The following ZMYM4 variants were observed in gnomAD, a reference collection of about 807,000 sequenced individuals.
ZMYM4 encodes zinc finger MYM-type protein 4.
A neutral mutation model predicts 183.2 loss-of-function variants in ZMYM4; 31 were observed. The ratio of observed to expected loss-of-function variants is 0.17; its 90% CI spans 0.13 to 0.23. The LOEUF is 0.23. ZMYM4 is among the 10% of genes least tolerant of loss of function. The pLI, the probability that ZMYM4 is intolerant of heterozygous loss-of-function variation, is 1.00. For missense variants in ZMYM4, 1,273 were observed against 1,840.3 expected (o/e 0.69, Z 5.64); for synonymous variants, 592 against 631.2 (o/e 0.94, Z 0.93).
At chr1:35,387,718 T>A in intron 13 of ZMYM4, 114 bp downstream of exon 13, 1 of 1,124,884 alleles carries the variant, frequency 8.9e-7, no homozygotes, top group Non-Finnish European at 1.2e-6. Flanking sequence ...ATGTATAACG[T>A]AAATGCCTTT....
At position 35,381,579 on chromosome 1, in the gene ZMYM4, C is replaced by T. The variant is rs1644459411; in HGVS notation, c.1390C>T (p.His464Tyr). The stretch of plus-strand genomic sequence containing the variant: ...TGAAGTTAATTACCAGAATGTGGTC[C>T]ATAAACTTTGCAGTGATGCCTGCTT... ...RHEVNYQNVV[H>Y]KLCSDACFSK... Residue 464 changes from histidine to tyrosine, a missense_variant, in exon 9 of 30, where the codon CAT becomes TAT. Coordinates refer to ENST00000314607, the MANE Select transcript of ZMYM4 (RefSeq NM_005095.3). 4 of 1,614,148 alleles carry T rather than the reference C, an allele frequency of 2.5e-6. No individual in the cohort carries two copies. The highest frequency in any genetic ancestry group is 3.4e-6 in the Non-Finnish European group (4 of 1,180,038).
Position 35,352,254 on chromosome 1 carries a change from C to T in ZMYM4, c.86-6671C>T, listed in dbSNP as rs1448699618. On this transcript the variant is annotated intron_variant, in intron 2 of 29. Transcript: ENST00000314607. Reference sequence around the variant, plus strand: ...TCTCTACTAATAATTTAAAAATTAGCGCGCACGCGCGCGCGCACACACACA... The same window carrying T: ...TCTCTACTAATAATTTAAAAATTAGTGCGCACGCGCGCGCGCACACACACA... Among the ~76,000 whole-genome samples, 10 of 99,114 alleles carry T rather than the reference C, an allele frequency of 1.0e-4. No homozygotes were observed. In the South Asian group the frequency reaches 1.8e-3, roughly 18 times the overall value. The allele number at this position is 99,114 out of a possible 152,430, so 65.0% of individuals were successfully genotyped here. A position where few individuals can be genotyped will look rare whatever the true frequency, so the allele number is the denominator to read the frequency against.
rs906074644 is a variant in ZMYM4 at position 35,398,865 on chromosome 1, C to T, written c.3255C>T (p.Asp1085=). ...LFLDTKIFEK[D]QGSTYSGDLE... ...TTAATTGTTATCTATATATTTCAGA[C>T]CAAGGAAGTACATACAGTGGTGATC... is the stretch of plus-strand genomic sequence containing the variant. The change falls in exon 22 of 30, where the codon GAC becomes GAT. Residue 1085 remains aspartate, a splice_region_variant and synonymous_variant. Coordinates refer to ENST00000314607, the MANE Select transcript of ZMYM4 (RefSeq NM_005095.3). The T allele has an allele frequency of 2.5e-6, 4 of 1,613,652 alleles. No individual in the cohort carries two copies. Among genetic ancestry groups the T allele is most frequent in the Admixed American group, 3.3e-5 (2 of 59,976 alleles).
intron 7 of ZMYM4, among the ~76,000 whole-genome samples, chr1:35,374,322 C>T (rs1644287073): frequency 6.6e-6 from 1 of 152,012 alleles, no homozygotes; most frequent in African/African-American, 2.4e-5. Flanking sequence ...GCATGAGCCA[C>T]CGTGCCCGGC....
chr1:35,403,334 C>T (rs534556177), intron 23 of ZMYM4, among the ~76,000 whole-genome samples: 75 of 152,108 alleles, frequency 4.9e-4, no homozygotes, highest in South Asian at 4.8e-3. Flanking sequence ...TGCCCAGGCT[C>T]GAGTGCAATG....
In ZMYM4 at chr1:35,337,799, C is replaced by T. The variant is rs542098110; in HGVS notation, c.85+12394C>T. On this transcript the variant is annotated intron_variant, in intron 2 of 29. Coordinates refer to ENST00000314607, the MANE Select transcript of ZMYM4 (RefSeq NM_005095.3). ...ACTAAAAATACAGAAATCAGCTGGG[C>T]GTGGTGGCAGGCACCTGCAATTCCA... Among the ~76,000 whole-genome samples, 12 of 151,990 alleles carry T rather than the reference C, an allele frequency of 7.9e-5. No homozygotes were observed. The South Asian group carries it at 8.3e-4, about 11-fold the overall frequency.
In ZMYM4 at chr1:35,381,686, A is replaced by G. The variant is rs1282202976; in HGVS notation, c.1497A>G (p.Gln499=). Residue 499 remains glutamine (Q), a synonymous_variant, in exon 9 of 30, where the codon CAA becomes CAG. Coordinates refer to ENST00000314607, the MANE Select transcript of ZMYM4 (RefSeq NM_005095.3). ...GTTACTGTTACAGTGGGTCGGGACA[A>G]TGCCACATGCTTCAGATAGAGGGAC... The part of the protein sequence containing the change: ...CGGYCYSGSG[Q]CHMLQIEGQS... 6.2e-6 allele frequency: 10 copies of G among 1,614,240 alleles called. No individual in the cohort carries two copies. Among genetic ancestry groups the G allele is most frequent in the South Asian group, 1.1e-5 (1 of 91,088 alleles).
At chr1:35,368,041 A>C (rs1163242464) in intron 5 of ZMYM4, among the ~76,000 whole-genome samples, 1 of 151,696 alleles carries the variant, frequency 6.6e-6, no homozygotes, top group East Asian at 1.9e-4. Context: ...GCAAATTATC[A>C]GTGGTGGGCC....
At chr1:35,351,611 A>G in intron 2 of ZMYM4, 2 of 660,422 alleles carry the variant, frequency 3.0e-6, no homozygotes, top group Admixed American at 2.5e-5. Flanking sequence ...GAGCTAAACC[A>G]AACAATTTTC....
Position 35,344,210 on chromosome 1 carries a change from T to G in ZMYM4, c.86-14715T>G, listed in dbSNP as rs150223600. Among the ~76,000 whole-genome samples the G allele has an allele frequency of 2.8e-3, 428 of 152,016 alleles. 1 individual carries two copies. The highest frequency in any genetic ancestry group is 9.8e-3 in the African/African-American group (408 of 41,480). ...CTGGAATTACAGGCGTGTGCCACCA[T>G]GCCTGACTGATTTTTATATTTTTAG... On this transcript the variant is annotated intron_variant, in intron 2 of 29. Coordinates refer to ENST00000314607, the MANE Select transcript of ZMYM4 (RefSeq NM_005095.3).
rs553419392 is a variant in ZMYM4, at chr1:35,347,798, T to C, written c.86-11127T>C. Among the ~76,000 whole-genome samples the C allele has an allele frequency of 1.2e-3, 176 of 152,352 alleles. 1 individual carries two copies. The highest frequency in any genetic ancestry group is 4.1e-3 in the African/African-American group (170 of 41,588). On this transcript the variant is annotated intron_variant, in intron 2 of 29. Coordinates refer to ENST00000314607, the MANE Select transcript of ZMYM4 (RefSeq NM_005095.3). ...CCATATCTCTGTGGTATTGTGCTTCTGCAATTATTGGCAAAAATGACTTTT... is the reference window on the plus strand; with the variant it reads ...CCATATCTCTGTGGTATTGTGCTTCCGCAATTATTGGCAAAAATGACTTTT...
At chr1:35,299,597 A>G (rs1283002216) in intron 1 of ZMYM4, among the ~76,000 whole-genome samples, 2 of 152,224 alleles carry the variant, frequency 1.3e-5, no homozygotes, top group African/African-American at 4.8e-5. Flanking sequence ...AAAGCAACCA[A>G]TCAAAGGCTA....
At chr1:35,345,175 C>T (rs1487459011) in intron 2 of ZMYM4, among the ~76,000 whole-genome samples, 1 of 152,214 alleles carries the variant, frequency 6.6e-6, no homozygotes, top group Non-Finnish European at 1.5e-5. Context: ...GCTTCTGGGC[C>T]TCTTGGCTAA....
At chr1:35,321,272 G>T (rs1268522659) in intron 1 of ZMYM4, among the ~76,000 whole-genome samples, 1 of 152,174 alleles carries the variant, frequency 6.6e-6, no homozygotes, top group African/African-American at 2.4e-5. Flanking sequence ...TTGGGTGTGT[G>T]TGGGTTGTGT....
At chr1:35,417,955 C>T (rs533612750) in intron 28 of ZMYM4, among the ~76,000 whole-genome samples, 32 of 151,334 alleles carry the variant, frequency 2.1e-4, no homozygotes, top group African/African-American at 7.5e-4. Flanking sequence ...CTGCAGTGAG[C>T]GGAGATTTCG....
intron 1 of ZMYM4, among the ~76,000 whole-genome samples, chr1:35,299,792 C>CTT (rs1641190770): frequency 6.6e-6 from 1 of 150,934 alleles, no homozygotes; most frequent in African/African-American, 2.4e-5. Flanking sequence ...TTCTTTCTTT[C>CTT]TTTTCTTTTT....
At chr1:35,411,986 C>T (rs1051913847) in intron 26 of ZMYM4, among the ~76,000 whole-genome samples, 2 of 152,156 alleles carry the variant, frequency 1.3e-5, no homozygotes, top group Non-Finnish European at 1.5e-5. Flanking sequence ...GGGTTCAACG[C>T]CATTCTCCTG....
At chr1:35,269,226 T>C in intron 1 of ZMYM4, 141 bp downstream of exon 1, 1 of 769,228 alleles carries the variant, frequency 1.3e-6, no homozygotes, top group South Asian at 2.8e-5. Context: ...CAGCCTTGGG[T>C]CCGGAGCGCG....
chr1:35,352,383 A>G (rs1570416667), intron 2 of ZMYM4, among the ~76,000 whole-genome samples: 1 of 104,646 alleles, frequency 9.6e-6, no homozygotes, highest in Non-Finnish European at 1.8e-5. Flanking sequence ...TTTAAAAATT[A>G]GCGCACACAC....
Sources: allele counts gnomAD v4.1 joint callset (sites outside exome capture counted in the v4.1 genomes callset), GRCh38; gene constraint gnomAD v4.1.1; transcripts MANE v1.5; gene names NCBI Gene and HGNC (gene_info 2026-07-23, HGNC 2026-07-21).